The following FRMPD1 variants were observed in gnomAD, a reference collection of about 807,000 sequenced individuals.
FRMPD1 encodes the protein FERM and PDZ domain-containing protein 1.
FRMPD1 carries 76 observed loss-of-function variants against 117.8 expected under a neutral mutation model. The ratio of observed to expected loss-of-function variants is 0.65; its 90% CI spans 0.54 to 0.78. The LOEUF (loss-of-function observed/expected upper bound fraction) is 0.78. Among genes scored for constraint, FRMPD1 ranks in the 30% least tolerant of loss-of-function variants. The probability of loss-of-function intolerance (pLI) is 0.00; values close to 1 mark genes in which losing one functional copy is unlikely to be tolerated. For synonymous variants in FRMPD1, 783 were observed against 770.4 expected (o/e 1.02, Z -0.27); for missense variants, 1,786 against 1,964.5 (o/e 0.91, Z 1.72).
At chr9:37,692,533 A>G in intron 1 of FRMPD1, 105 bp from the exon 2 acceptor site, 2 of 779,444 alleles carry the variant, frequency 2.6e-6, no homozygotes, top group Non-Finnish European at 2.3e-6. Context: ...TTATTCGATT[A>G]GCATGTCTTA....
the FRMPD1 span, among the ~76,000 whole-genome samples, chr9:37,609,288 G>A: frequency 6.9e-6 from 1 of 145,830 alleles, no homozygotes. Context: ...GCGAAACTCC[G>A]TCTCAAAAAA....
At chr9:37,637,091 T>C in the FRMPD1 span, 1 of 1,577,512 alleles carries the variant, frequency 6.3e-7, no homozygotes. Context: ...CCAGAACCGT[T>C]CCTGGCCCGC....
chr9:37,663,310 G>C (rs1821055182), intron 1 of FRMPD1, among the ~76,000 whole-genome samples: 1 of 152,158 alleles, frequency 6.6e-6, no homozygotes, highest in South Asian at 2.1e-4. Context: ...TGGTTCTTCA[G>C]GAAGTCTTTT....
the FRMPD1 span, among the ~76,000 whole-genome samples, chr9:37,640,075 G>A: frequency 1.3e-5 from 2 of 152,216 alleles, no homozygotes; most frequent in African/African-American, 2.4e-5. Flanking sequence ...CTTACCTCTG[G>A]CCTCAAGCAA....
At chr9:37,702,034 T>A (rs1822551302) in intron 2 of FRMPD1, among the ~76,000 whole-genome samples, 3 of 152,192 alleles carry the variant, frequency 2.0e-5, no homozygotes, top group African/African-American at 4.8e-5. Context: ...ATGATACCAT[T>A]TACTGAGCTC....
At chr9:37,644,319 T>C in the FRMPD1 span, among the ~76,000 whole-genome samples, 1 of 152,318 alleles carries the variant, frequency 6.6e-6, no homozygotes, top group South Asian at 2.1e-4. Context: ...AAGCCTTCAC[T>C]GCAGACTCAC....
intron 1 of FRMPD1, among the ~76,000 whole-genome samples, chr9:37,657,054 C>G (rs1820864701): frequency 6.6e-6 from 1 of 152,164 alleles, no homozygotes; most frequent in Admixed American, 6.5e-5. Flanking sequence ...GGTGATATGG[C>G]AAAATTTCAA....
At chr9:37,637,507 A>G in the FRMPD1 span, among the ~76,000 whole-genome samples, 1 of 152,294 alleles carries the variant, frequency 6.6e-6, no homozygotes, top group South Asian at 2.1e-4. Flanking sequence ...TAGTTCCATC[A>G]GTCCCTAAAA....
intron 14 of FRMPD1, among the ~76,000 whole-genome samples, chr9:37,737,696 G>A (rs1044881325): frequency 2.0e-5 from 3 of 152,162 alleles, no homozygotes; most frequent in African/African-American, 7.2e-5. Flanking sequence ...GGTGGCACAT[G>A]CTTGTAATCC....
intron 15 of FRMPD1, 73 bp from the exon 16 acceptor site, chr9:37,744,316 A>T (rs1824570921): frequency 1.7e-6 from 2 of 1,157,894 alleles, no homozygotes; most frequent in Admixed American, 2.3e-5. Context: ...GGAAAGCCCA[A>T]GGCCTGAGCC....
intron 14 of FRMPD1, among the ~76,000 whole-genome samples, chr9:37,738,684 T>G (rs1036362172): frequency 1.3e-5 from 2 of 152,054 alleles, no homozygotes; most frequent in African/African-American, 4.8e-5. Context: ...GAGGGGTGAC[T>G]CCTCAGAGTC....
chr9:37,614,064 T>C, the FRMPD1 span, among the ~76,000 whole-genome samples: 1 of 152,228 alleles, frequency 6.6e-6, no homozygotes, highest in Non-Finnish European at 1.5e-5. Context: ...GGGGACTTTA[T>C]TTCTGAGTTT....
the FRMPD1 span, among the ~76,000 whole-genome samples, chr9:37,639,422 T>C: frequency 6.6e-6 from 1 of 152,234 alleles, no homozygotes; most frequent in Non-Finnish European, 1.5e-5. Flanking sequence ...GTGAATTTGC[T>C]GTGGCTCTGC....
chr9:37,676,135 T>C lies in FRMPD1; in HGVS notation c.-4-16503T>C, dbSNP rs529638239. ...TACAGTTGTACCCAGAGCATAGATA[T>C]GGCTTTATGGCCTGTGGTTTATACT... is the stretch of plus-strand genomic sequence containing the variant. On this transcript the variant is annotated intron_variant, in intron 1 of 15. Transcript: ENST00000377765. 9.2e-5 allele frequency among the ~76,000 whole-genome samples: 14 copies of C among 152,346 alleles called. No homozygotes were observed. In the East Asian group the frequency reaches 2.1e-3, roughly 23 times the overall value.
intron 2 of FRMPD1, among the ~76,000 whole-genome samples, chr9:37,701,848 T>A (rs1822545339): frequency 6.6e-6 from 1 of 152,128 alleles, no homozygotes; most frequent in Non-Finnish European, 1.5e-5. Flanking sequence ...AGCAGCCTAG[T>A]AGAAACCTGT....
Position 37,740,355 on chromosome 9 carries a change from G to A in FRMPD1, c.1827G>A (p.Met609Ile). The change falls in exon 15 of 16, where the codon ATG becomes ATA. Residue 609 changes from methionine (M) to isoleucine (I), a missense_variant. Transcript: ENST00000377765. The surrounding 1 kb of genome is among the most constrained non-coding windows in gnomAD (Gnocchi z 4.2). ...GYRTSGSSES[M>I]DALEEDDLDT... ...GGACCAGTGGCTCGAGTGAGTCCATGGACGCTCTGGAAGAGGATGACTTAG... is the reference window on the plus strand; with the variant it reads ...GGACCAGTGGCTCGAGTGAGTCCATAGACGCTCTGGAAGAGGATGACTTAG... The A allele has an allele frequency of 6.2e-7, 1 of 1,613,670 alleles. No homozygotes were observed. Among genetic ancestry groups the A allele is most frequent in the Non-Finnish European group, 8.5e-7 (1 of 1,179,980 alleles).
chr9:37,637,054 C>T, the FRMPD1 span: 4 of 1,545,762 alleles, frequency 2.6e-6, no homozygotes, highest in South Asian at 1.1e-5. Context: ...AGCCATGAGC[C>T]CCCCGGTAGT....
At chr9:37,618,301 CAG>C in the FRMPD1 span, among the ~76,000 whole-genome samples, 44 of 152,112 alleles carry the variant, frequency 2.9e-4, no homozygotes, top group African/African-American at 9.9e-4. Flanking sequence ...ATTTATGAAA[CAG>C]GGGGGAACAG....
chr9:37,724,482 C>T (rs1012889114), intron 7 of FRMPD1, among the ~76,000 whole-genome samples, 162 bp downstream of exon 7: 3 of 152,114 alleles, frequency 2.0e-5, no homozygotes, highest in Non-Finnish European at 4.4e-5. Flanking sequence ...TTTCGTTGCA[C>T]GACCACCCAG....
Sources: allele counts gnomAD v4.1 joint callset (sites outside exome capture counted in the v4.1 genomes callset), GRCh38; gene constraint gnomAD v4.1.1; non-coding constraint Gnocchi (gnomAD v3.1); transcripts MANE v1.5; gene names NCBI Gene and HGNC (gene_info 2026-07-23, HGNC 2026-07-21).